The following TCERG1L variants were observed in gnomAD, a reference collection of about 807,000 sequenced individuals.
TCERG1L encodes transcription elongation regulator 1 like.
In TCERG1L, 37 loss-of-function variants were observed where a neutral mutation model predicts 56.3. The ratio of observed to expected loss-of-function variants is 0.66; its 90% CI spans 0.51 to 0.87. The LOEUF is 0.87. Ranked by LOEUF, TCERG1L falls within the 40% of genes least tolerant of loss-of-function variation. The pLI, the probability that TCERG1L is intolerant of heterozygous loss-of-function variation, is 0.00. For missense variants in TCERG1L, 799 were observed against 774.2 expected, an observed-to-expected ratio of 1.03 and a Z score of -0.38; for synonymous variants, 324 against 326.3, an observed-to-expected ratio of 0.99 and a Z score of 0.08.
intron 10 of TCERG1L, among the ~76,000 whole-genome samples, chr10:131,099,658 C>T (rs1228771663): frequency 6.6e-6 from 1 of 152,130 alleles, no homozygotes; most frequent in African/African-American, 2.4e-5. Flanking sequence ...CACTGCTCAG[C>T]CCCTTCTCCG....
At chr10:131,179,622 G>A (rs1798315197) in intron 4 of TCERG1L, among the ~76,000 whole-genome samples, 2 of 152,202 alleles carry the variant, frequency 1.3e-5, no homozygotes, top group African/African-American at 4.8e-5. Flanking sequence ...CGACCACCAT[G>A]GAGGGCTGGC....
chr10:131,248,467 C>T (rs1207294083), intron 4 of TCERG1L, among the ~76,000 whole-genome samples: 1 of 152,164 alleles, frequency 6.6e-6, no homozygotes, highest in African/African-American at 2.4e-5. Flanking sequence ...TCTCTGCCCT[C>T]CTTGGCTCGG....
chr10:131,166,868 C>A lies in TCERG1L; in HGVS notation c.874G>T (p.Gly292Cys). The part of the protein sequence containing the change: ...SPVSDTRTER[G>C]RVARPPALML... ...AGGGCAGGAGGGCGGGCCACTCGGC[C>A]CCGCTCTGTCCTTGTATCTGTTGGG... The change falls in exon 5 of 12, where the codon GGC becomes TGC. Residue 292 changes from glycine (G) to cysteine (C), a missense_variant. Coordinates refer to ENST00000368642, the MANE Select transcript of TCERG1L (RefSeq NM_174937.4). 1.9e-6 allele frequency: 3 copies of A among 1,612,576 alleles called. No individual in the cohort carries two copies. Among genetic ancestry groups the A allele is most frequent in the Non-Finnish European group, 2.5e-6 (3 of 1,179,850 alleles).
At position 131,260,201 on chromosome 10, in the gene TCERG1L, A is replaced by C; in HGVS notation, c.856+58T>G. The C allele has an allele frequency of 2.3e-6, 3 of 1,286,736 alleles. No homozygotes were observed. The highest frequency in any genetic ancestry group is 3.0e-6 in the Non-Finnish European group (3 of 1,014,818). 79.7% of individuals were successfully genotyped at this position (1,286,736 alleles called of 1,614,324 possible). A position where few individuals can be genotyped will look rare whatever the true frequency, so the allele number is the denominator to read the frequency against. On this transcript the variant is annotated intron_variant, in intron 4 of 11. Transcript: ENST00000368642. The surrounding 1 kb of genome is among the most constrained non-coding windows in gnomAD (Gnocchi z 5.8). ...CCCAGGCCAGGGGCATCTAACCAGG[A>C]AGCCTCCGCGCGCTCGCTAAGGCAG...
chr10:131,166,987 T>G (rs1415180181), intron 4 of TCERG1L, 102 bp from the exon 5 acceptor site: 1 of 988,466 alleles, frequency 1.0e-6, no homozygotes, highest in East Asian at 2.6e-5. Flanking sequence ...TTAGAATTGG[T>G]CAGTAGACAC....
chr10:131,174,973 C>T, intron 4 of TCERG1L, among the ~76,000 whole-genome samples: 1 of 152,166 alleles, frequency 6.6e-6, no homozygotes, highest in African/African-American at 2.4e-5. Context: ...AATGGGACCC[C>T]ACCCCCGCAA....
chr10:131,148,379 GAC>G (rs1394177819), intron 6 of TCERG1L, among the ~76,000 whole-genome samples: 1 of 136,224 alleles, frequency 7.3e-6, no homozygotes, highest in Non-Finnish European at 1.6e-5. Context: ...CAGACATAGA[GAC>G]ACACACATAA....
intron 3 of TCERG1L, among the ~76,000 whole-genome samples, chr10:131,296,340 T>C (rs1330907457): frequency 6.6e-6 from 1 of 152,252 alleles, no homozygotes; most frequent in Non-Finnish European, 1.5e-5. Flanking sequence ...GACAGACAGA[T>C]GTTCACTTGT....
chr10:131,159,718 T>C (rs1449939658), intron 6 of TCERG1L, among the ~76,000 whole-genome samples: 2 of 152,048 alleles, frequency 1.3e-5, no homozygotes, highest in Non-Finnish European at 2.9e-5. Context: ...GAGCTTTTCC[T>C]AGACGCAGGC....
intron 3 of TCERG1L, among the ~76,000 whole-genome samples, chr10:131,304,600 G>A (rs1479293960): frequency 6.6e-6 from 1 of 151,978 alleles, no homozygotes; most frequent in Admixed American, 6.6e-5. Context: ...CTGAGGTCTG[G>A]GAATCAATGG....
intron 3 of TCERG1L, among the ~76,000 whole-genome samples, chr10:131,279,279 G>A (rs1846427724): frequency 6.6e-6 from 1 of 152,226 alleles, no homozygotes; most frequent in South Asian, 2.1e-4. Flanking sequence ...GTGAGAGGGG[G>A]AGGAAGGAGG....
At chr10:131,175,435 C>A (rs1846138074) in intron 4 of TCERG1L, among the ~76,000 whole-genome samples, 1 of 151,476 alleles carries the variant, frequency 6.6e-6, no homozygotes, top group Non-Finnish European at 1.5e-5. Context: ...TCCCAAGTCA[C>A]CTGGGCACTG....
intron 3 of TCERG1L, among the ~76,000 whole-genome samples, chr10:131,262,544 TAG>T (rs1846245752): frequency 6.6e-6 from 1 of 152,116 alleles, no homozygotes; most frequent in East Asian, 1.9e-4. Context: ...AAAAAATGGG[TAG>T]AAAGTAGAGA....
At chr10:131,270,121 C>T (rs555285279) in intron 3 of TCERG1L, among the ~76,000 whole-genome samples, 3 of 152,338 alleles carry the variant, frequency 2.0e-5, no homozygotes, top group Admixed American at 2.0e-4. Flanking sequence ...CTCTGCACCC[C>T]ACAGTCAGAC....
At chr10:131,227,430 C>T (rs1056250165) in intron 4 of TCERG1L, among the ~76,000 whole-genome samples, 1 of 152,222 alleles carries the variant, frequency 6.6e-6, no homozygotes, top group Non-Finnish European at 1.5e-5. Context: ...GGTTCCAGGG[C>T]AGCCCAGCTT....
intron 7 of TCERG1L, among the ~76,000 whole-genome samples, chr10:131,141,044 C>T (rs12415758): frequency 0.83 from 126,018 of 152,162 alleles, 53,382 homozygotes; most frequent in Non-Finnish European, 0.92. Flanking sequence ...GAAAGAGCCG[C>T]AGCAGAGCTG....
intron 4 of TCERG1L, among the ~76,000 whole-genome samples, chr10:131,215,372 G>A (rs961970910): frequency 6.6e-6 from 1 of 152,182 alleles, no homozygotes; most frequent in Non-Finnish European, 1.5e-5. Context: ...CTGCTGAGAG[G>A]AAATTACCTT....
chr10:131,256,370 C>T (rs1846164709), intron 4 of TCERG1L, among the ~76,000 whole-genome samples: 1 of 152,140 alleles, frequency 6.6e-6, no homozygotes, highest in Admixed American at 6.5e-5. Flanking sequence ...CCCAGCTGTT[C>T]TGTGGCAGGA....
chr10:131,277,539 T>C (rs1846405826), intron 3 of TCERG1L, among the ~76,000 whole-genome samples: 1 of 152,166 alleles, frequency 6.6e-6, no homozygotes, highest in Admixed American at 6.5e-5. Flanking sequence ...CTTGGCTGCT[T>C]AATGACGTTT....
Sources: allele counts gnomAD v4.1 joint callset (sites outside exome capture counted in the v4.1 genomes callset), GRCh38; gene constraint gnomAD v4.1.1; non-coding constraint Gnocchi (gnomAD v3.1); transcripts MANE v1.5; gene names NCBI Gene and HGNC (gene_info 2026-07-23, HGNC 2026-07-21).